Variants in FANCC observed in about 807,000 individuals in gnomAD.
FANCC encodes the protein FA complementation group C.
A neutral mutation model predicts 71.3 loss-of-function variants in FANCC; 55 were observed. The observed-to-expected ratio is 0.77, with a 90% confidence interval of 0.62 to 0.97. The LOEUF (loss-of-function observed/expected upper bound fraction) is 0.97. Among genes scored for constraint, FANCC ranks in the 50% least tolerant of loss-of-function variants. The pLI, the probability that FANCC is intolerant of heterozygous loss-of-function variation, is 0.00. For missense variants in FANCC, 678 were observed against 670.9 expected, an observed-to-expected ratio of 1.01 and a Z score of -0.12; for synonymous variants, 275 against 244.9, an observed-to-expected ratio of 1.12 and a Z score of -1.15.
chr9:95,316,471 A>G (rs1174552745), intron 1 of FANCC, among the ~76,000 whole-genome samples: 1 of 152,270 alleles, frequency 6.6e-6, no homozygotes, highest in Non-Finnish European at 1.5e-5. Flanking sequence ...TATCACTGAC[A>G]GTGAGTGACA....
At chr9:95,219,801 A>G (rs1474352109) in intron 4 of FANCC, among the ~76,000 whole-genome samples, 3 of 152,234 alleles carry the variant, frequency 2.0e-5, no homozygotes. Flanking sequence ...GGATCTAGGC[A>G]TGGACAAGGA....
chr9:95,206,354 T>C (rs559624932), intron 4 of FANCC, among the ~76,000 whole-genome samples: 2 of 152,240 alleles, frequency 1.3e-5, no homozygotes, highest in South Asian at 4.2e-4. Context: ...GATTAAAGAG[T>C]GTGCTGGATC....
intron 7 of FANCC, among the ~76,000 whole-genome samples, chr9:95,139,851 T>TAA (rs908328112): frequency 9.6e-5 from 14 of 146,490 alleles, no homozygotes; most frequent in Non-Finnish European, 1.8e-4. Context: ...TATATATATA[T>TAA]AAATATATAT....
chr9:95,211,567 A>T (rs1466535301), intron 4 of FANCC, among the ~76,000 whole-genome samples: 2 of 152,216 alleles, frequency 1.3e-5, no homozygotes, highest in Non-Finnish European at 2.9e-5. Flanking sequence ...CTTGGAAAGG[A>T]TAGACCTAAT....
At chr9:95,292,601 C>T (rs1834108787) in intron 1 of FANCC, 3 of 1,462,490 alleles carry the variant, frequency 2.1e-6, no homozygotes, top group Non-Finnish European at 2.9e-6. Flanking sequence ...GCACCGTGCG[C>T]GGCTGCCGCA....
At chr9:95,280,836 G>C (rs1833343790) in intron 1 of FANCC, among the ~76,000 whole-genome samples, 1 of 152,130 alleles carries the variant, frequency 6.6e-6, no homozygotes, top group Non-Finnish European at 1.5e-5. Flanking sequence ...ATTCATCAGA[G>C]AAATTTAACA....
At chr9:95,111,406 C>T in intron 13 of FANCC, 57 bp downstream of exon 13, 3 of 1,598,318 alleles carry the variant, frequency 1.9e-6, no homozygotes, top group Middle Eastern at 1.7e-4. Context: ...TCTCTGCAAG[C>T]TCCTCTCAGC....
chr9:95,168,421 A>T (rs1825446297), intron 6 of FANCC, among the ~76,000 whole-genome samples: 1 of 152,256 alleles, frequency 6.6e-6, no homozygotes, highest in Non-Finnish European at 1.5e-5. Context: ...CATCAAAAGT[A>T]GTCTTCCTTT....
intron 8 of FANCC, among the ~76,000 whole-genome samples, chr9:95,129,823 C>T (rs1826613256): frequency 1.3e-5 from 2 of 152,252 alleles, no homozygotes; most frequent in South Asian, 2.1e-4. Flanking sequence ...GACTAGGGAG[C>T]GAAGATGGAG....
chr9:95,170,679 T>TGTGTGTGTGTGTGTGTGTGTGTGTGTG (rs1554842441), intron 6 of FANCC, among the ~76,000 whole-genome samples: 2 of 144,654 alleles, frequency 1.4e-5, no homozygotes, highest in Non-Finnish European at 1.5e-5. Context: ...TGTGTGTGTG[T>TGTGTGTGTGTGTGTGTGTGTGTGTGTG]TGGGAGCAGA....
rs138208165 is a variant in FANCC at position 95,176,397 on chromosome 9, G to A, written c.346-4250C>T. 2.2e-4 allele frequency among the ~76,000 whole-genome samples: 33 copies of A among 152,298 alleles called. No homozygotes were observed. In the East Asian group the frequency reaches 6.4e-3, roughly 29 times the overall value. ...CAGCACACCCCACACCCGCCACCAG[G>A]CTTGACTTCTCCTTACAAGCCTGTT... On this transcript the variant is annotated intron_variant, in intron 4 of 14. Transcript: ENST00000289081.
At chr9:95,204,626 ATC>A (rs1357571437) in intron 4 of FANCC, among the ~76,000 whole-genome samples, 3 of 152,200 alleles carry the variant, frequency 2.0e-5, no homozygotes, top group African/African-American at 7.2e-5. Context: ...TGAAAATTAA[ATC>A]TGTCAAAATC....
At chr9:95,168,548 C>T (rs73532171) in intron 6 of FANCC, among the ~76,000 whole-genome samples, 1,728 of 152,268 alleles carry the variant, frequency 0.011, 31 homozygotes, top group African/African-American at 0.039. Context: ...CTGTTTTGTT[C>T]GAGATGGCAC....
At position 95,249,399 on chromosome 9, in the gene FANCC, T is replaced by C. The variant is rs571418923; in HGVS notation, c.-78-30A>G. On this transcript the variant is annotated intron_variant, in intron 1 of 14. Transcript: ENST00000289081. ...AAGAAAGGGAACAAATAGAAGCATT[T>C]CTAAAAGGCTCTTTTATCAGTGCCT... 3.4e-4 allele frequency: 387 copies of C among 1,140,264 alleles called. 5 individuals are homozygous for C. In the South Asian group the frequency reaches 4.9e-3, roughly 15 times the overall value. 70.6% of individuals were successfully genotyped at this position (1,140,264 alleles called of 1,614,324 possible).
At position 95,150,049 on chromosome 9, in the gene FANCC, C is replaced by T. The variant is rs1239389302; in HGVS notation, c.560G>A (p.Cys187Tyr). 2.5e-6 allele frequency: 4 copies of T among 1,614,086 alleles called. No individual in the cohort carries two copies. The highest frequency in any genetic ancestry group is 3.4e-6 in the Non-Finnish European group (4 of 1,180,026). Reference protein sequence around the residue: ...PERVASLSRVCVPLITLTDVD... With the variant: ...PERVASLSRVYVPLITLTDVD... ...ATCTGTCAGGGTAATAAGTGGGACA[C>T]AAACTCGTGACAGGGACGCCACTCG... The change falls in exon 7 of 15, where the codon TGT becomes TAT. Residue 187 changes from cysteine (C) to tyrosine (Y), a missense_variant. Cys to Tyr is a radical substitution (Grantham distance 194, BLOSUM62 -2). Transcript: ENST00000289081.
chr9:95,169,358 G>T (rs1366673220), intron 6 of FANCC, among the ~76,000 whole-genome samples: 1 of 152,194 alleles, frequency 6.6e-6, no homozygotes, highest in Non-Finnish European at 1.5e-5. Context: ...TGTTATGATT[G>T]GTGGCAATCA....
chr9:95,137,661 T>C (rs1327337781), intron 7 of FANCC, among the ~76,000 whole-genome samples: 2 of 152,140 alleles, frequency 1.3e-5, no homozygotes, highest in Non-Finnish European at 1.5e-5. Context: ...AGATATTCAA[T>C]AGGTCCTTGA....
chr9:95,201,956 T>C (rs1827831993), intron 4 of FANCC, among the ~76,000 whole-genome samples: 1 of 152,200 alleles, frequency 6.6e-6, no homozygotes, highest in Non-Finnish European at 1.5e-5. Flanking sequence ...CACACTTATA[T>C]TTTGCTTAAA....
In FANCC at chr9:95,249,152, T is replaced by G. The variant is rs1588353368; in HGVS notation, c.140A>C (p.Lys47Thr). 6.2e-7 allele frequency: 1 copy of G among 1,614,050 alleles called. No individual in the cohort carries two copies. Residue 47 changes from lysine (K) to threonine (T), a missense_variant, in exon 2 of 15, where the codon AAG becomes ACG. By Grantham distance (78) the Lys-to-Thr change is moderately conservative. Coordinates refer to ENST00000289081, the MANE Select transcript of FANCC (RefSeq NM_000136.3). ...CATCTCTTTCAAGGCTTCATACATC[T>G]TCCTTAGGAACTCCTGGAACTGAGC... ...HVAQFQEFLR[K>T]MYEALKEMDS...
Sources: allele counts gnomAD v4.1 joint callset (sites outside exome capture counted in the v4.1 genomes callset), GRCh38; gene constraint gnomAD v4.1.1; transcripts MANE v1.5; gene names NCBI Gene and HGNC (gene_info 2026-07-23, HGNC 2026-07-21).